The following KATNAL2 variants were observed in gnomAD, a reference collection of about 807,000 sequenced individuals.
KATNAL2 encodes the protein katanin catalytic subunit A1 like 2.
KATNAL2 carries 52 observed loss-of-function variants against 76.3 expected under a neutral mutation model. The ratio of observed to expected loss-of-function variants is 0.68; its 90% CI spans 0.55 to 0.86. The LOEUF is 0.86. Ranked by LOEUF, KATNAL2 falls within the 40% of genes least tolerant of loss-of-function variation. The pLI is 0.00. For synonymous variants in KATNAL2, 243 were observed against 244.2 expected (o/e 1.00, Z 0.05); for missense variants, 660 against 668.9 (o/e 0.99, Z 0.15).
At chr18:47,100,382 G>A (rs934949339) in intron 17 of KATNAL2, 26 bp downstream of exon 17, 15 of 1,576,436 alleles carry the variant, frequency 9.5e-6, no homozygotes, top group Non-Finnish European at 1.3e-5. Context: ...CCATGAAGGT[G>A]TTCCAGGAAT....
intron 4 of KATNAL2, among the ~76,000 whole-genome samples, chr18:47,052,172 C>T (rs1413529446): frequency 6.6e-6 from 1 of 152,144 alleles, no homozygotes; most frequent in African/African-American, 2.4e-5. Flanking sequence ...GAGACACAGC[C>T]CTTGCTTCCA....
intron 1 of KATNAL2, among the ~76,000 whole-genome samples, chr18:46,936,441 T>C (rs2059094009): frequency 6.6e-6 from 1 of 152,132 alleles, no homozygotes; most frequent in African/African-American, 2.4e-5. Flanking sequence ...GAAATACTTT[T>C]CTACATAACC....
chr18:46,961,723 T>C (rs1281382012), intron 3 of KATNAL2, among the ~76,000 whole-genome samples: 1 of 152,202 alleles, frequency 6.6e-6, no homozygotes, highest in Non-Finnish European at 1.5e-5. Context: ...ATTGCTCAAG[T>C]TGAATTTTTC....
At chr18:47,052,450 G>T (rs72921363) in intron 4 of KATNAL2, among the ~76,000 whole-genome samples, 7,511 of 152,232 alleles carry the variant, frequency 0.049, 227 homozygotes, top group African/African-American at 0.089. Context: ...TGGCAAATTT[G>T]GGTTGAATTT....
At chr18:46,924,768 A>T (rs1016388587) in intron 1 of KATNAL2, among the ~76,000 whole-genome samples, 1 of 152,148 alleles carries the variant, frequency 6.6e-6, no homozygotes, top group Non-Finnish European at 1.5e-5. Flanking sequence ...AGTGGTTTGT[A>T]GTTCTCCTTG....
intron 6 of KATNAL2, among the ~76,000 whole-genome samples, chr18:47,055,207 C>T (rs913504470): frequency 6.6e-6 from 1 of 152,176 alleles, no homozygotes; most frequent in African/African-American, 2.4e-5. Flanking sequence ...GTGCTGCTGC[C>T]GGCTGCCAGT....
At chr18:46,931,081 T>A (rs922196265) in intron 1 of KATNAL2, among the ~76,000 whole-genome samples, 2 of 134,096 alleles carry the variant, frequency 1.5e-5, no homozygotes, top group African/African-American at 5.6e-5. Flanking sequence ...GCCTTGGCAA[T>A]AGAGTGAGAC....
intron 1 of KATNAL2, among the ~76,000 whole-genome samples, chr18:46,930,699 C>T (rs889340750): frequency 6.6e-6 from 1 of 151,380 alleles, no homozygotes; most frequent in Admixed American, 6.6e-5. Context: ...CCTGTAATTC[C>T]AGCTAGTTGG....
intron 3 of KATNAL2, chr18:46,963,210 T>TG: frequency 2.8e-6 from 3 of 1,080,970 alleles, no homozygotes; most frequent in Non-Finnish European, 3.7e-6. Flanking sequence ...TTCCTTGAAG[T>TG]CCTGGAGGCA....
intron 3 of KATNAL2, among the ~76,000 whole-genome samples, chr18:47,031,537 C>G (rs1487009416): frequency 6.6e-6 from 1 of 152,050 alleles, no homozygotes; most frequent in Non-Finnish European, 1.5e-5. Flanking sequence ...CTTATAAGTA[C>G]CCTTCCACAG....
intron 1 of KATNAL2, among the ~76,000 whole-genome samples, chr18:46,922,443 C>G (rs1426938872): frequency 1.3e-5 from 2 of 151,778 alleles, no homozygotes; most frequent in Non-Finnish European, 2.9e-5. Context: ...GTTTCTTCTC[C>G]ACTTTCACTG....
intron 4 of KATNAL2, among the ~76,000 whole-genome samples, chr18:47,051,444 A>C (rs71355037): frequency 1.9e-5 from 1 of 53,444 alleles, no homozygotes; most frequent in Non-Finnish European, 4.1e-5. Flanking sequence ...AAAAAAAAAA[A>C]GGTTAAAAAA....
At chr18:47,049,708 G>T (rs1346518452) in intron 4 of KATNAL2, among the ~76,000 whole-genome samples, 1 of 152,030 alleles carries the variant, frequency 6.6e-6, no homozygotes, top group Non-Finnish European at 1.5e-5. Flanking sequence ...CTTTTCCAGG[G>T]TTTTGTTATT....
At chr18:47,031,988 C>G (rs759420175) in intron 3 of KATNAL2, among the ~76,000 whole-genome samples, 3 of 152,156 alleles carry the variant, frequency 2.0e-5, no homozygotes, top group Non-Finnish European at 2.9e-5. Flanking sequence ...TTTAAGAAAG[C>G]TAGCAGACGT....
intron 15 of KATNAL2, chr18:47,098,234 AG>A: frequency 5.0e-6 from 2 of 402,754 alleles, no homozygotes; most frequent in Admixed American, 3.0e-5. Context: ...AAAAAAAAAA[AG>A]TGTACTAGTC....
chr18:47,089,337 G>A (rs1261515474), intron 15 of KATNAL2, among the ~76,000 whole-genome samples: 1 of 152,018 alleles, frequency 6.6e-6, no homozygotes, highest in African/African-American at 2.4e-5. Context: ...TTATCTTTTT[G>A]CTGGAAACAG....
At chr18:47,100,222 C>G (rs746859747) in intron 16 of KATNAL2, 32 bp from the exon 17 acceptor site, 1 of 1,536,950 alleles carries the variant, frequency 6.5e-7, no homozygotes, top group Non-Finnish European at 9.0e-7. Context: ...ATTCTGCCCA[C>G]TGACCAATGG....
chr18:46,954,926 T>C (rs995899830), intron 3 of KATNAL2, among the ~76,000 whole-genome samples: 3 of 152,180 alleles, frequency 2.0e-5, no homozygotes, highest in African/African-American at 7.2e-5. Flanking sequence ...GTGCTGGGAT[T>C]ATAGACATGA....
intron 1 of KATNAL2, among the ~76,000 whole-genome samples, chr18:46,941,887 T>C (rs1318433779): frequency 2.6e-5 from 4 of 152,160 alleles, no homozygotes; most frequent in Admixed American, 6.5e-5. Flanking sequence ...CCCTTACAGA[T>C]GGAGCAATGG....
Sources: allele counts gnomAD v4.1 joint callset (sites outside exome capture counted in the v4.1 genomes callset), GRCh38; gene constraint gnomAD v4.1.1; transcripts MANE v1.5; gene names NCBI Gene and HGNC (gene_info 2026-07-23, HGNC 2026-07-21).